Variants in ADAMTS16 observed in about 807,000 individuals in gnomAD.
The protein encoded by ADAMTS16 is ADAM metallopeptidase with thrombospondin type 1 motif 16.
In ADAMTS16, 94 loss-of-function variants were observed where a neutral mutation model predicts 145.8. The ratio of observed to expected loss-of-function variants is 0.64; its 90% CI spans 0.55 to 0.77. ADAMTS16 has a LOEUF of 0.77. ADAMTS16 is among the 30% of genes least tolerant of loss of function. The pLI, the probability that ADAMTS16 is intolerant of heterozygous loss-of-function variation, is 0.00. For missense variants in ADAMTS16, 1,585 were observed against 1,591.5 expected (o/e 1.00, Z 0.07); for synonymous variants, 659 against 604.3 (o/e 1.09, Z -1.33).
intron 16 of ADAMTS16, among the ~76,000 whole-genome samples, chr5:5,241,439 C>T (rs1047893680): frequency 3.9e-5 from 6 of 152,120 alleles, no homozygotes; most frequent in Non-Finnish European, 7.3e-5. Flanking sequence ...GGTACCTGCC[C>T]GTAGGCAAAA....
intron 10 of ADAMTS16, among the ~76,000 whole-genome samples, chr5:5,219,500 C>T (rs1458080114): frequency 1.3e-5 from 2 of 152,210 alleles, no homozygotes; most frequent in East Asian, 3.8e-4. Context: ...TTTGTCATCG[C>T]AACTCTTTAA....
At chr5:5,161,907 A>T (rs538955702) in intron 3 of ADAMTS16, among the ~76,000 whole-genome samples, 1 of 152,318 alleles carries the variant, frequency 6.6e-6, no homozygotes, top group South Asian at 2.1e-4. Flanking sequence ...TGCAAAGGGC[A>T]TTATTTATCT....
chr5:5,244,819 T>A (rs886392401), intron 17 of ADAMTS16, among the ~76,000 whole-genome samples: 4 of 152,202 alleles, frequency 2.6e-5, no homozygotes, highest in African/African-American at 9.6e-5. Context: ...ATATCAGCAA[T>A]GAGGAGACGA....
At chr5:5,186,775 G>A (rs1306261400) in intron 5 of ADAMTS16, among the ~76,000 whole-genome samples, 6 of 152,182 alleles carry the variant, frequency 3.9e-5, no homozygotes, top group Non-Finnish European at 7.4e-5. Flanking sequence ...AATCACTGAA[G>A]AGTGATGAGA....
intron 20 of ADAMTS16, 70 bp from the exon 21 acceptor site, chr5:5,306,434 T>C (rs1579409006): frequency 1.5e-6 from 2 of 1,348,908 alleles, no homozygotes; most frequent in East Asian, 2.3e-5. Context: ...ATATCTCTGA[T>C]ATTTTAACCC....
In ADAMTS16 at chr5:5,319,064, C is replaced by T; in HGVS notation, c.3601C>T (p.Pro1201Ser). The T allele has an allele frequency of 1.2e-6, 2 of 1,613,498 alleles. No homozygotes were observed. The highest frequency in any genetic ancestry group is 1.7e-6 in the Non-Finnish European group (2 of 1,179,826). Residue 1201 changes from proline to serine, a missense_variant, in exon 23 of 23, where the codon CCC becomes TCC. Pro to Ser is a moderately conservative substitution (Grantham distance 74, BLOSUM62 -1). This residue lies in a region of ADAMTS16 where 834 missense variants were observed against 811.7 expected (regional missense o/e 1.03). Transcript: ENST00000274181. ...KDYFHWCYLV[P>S]QHGMCSHKFY... is the part of the protein sequence containing the mutation. ...CTACTTCCACTGGTGCTACCTGGTA[C>T]CCCAGCACGGGATGTGCAGCCACAA...
At position 5,222,877 on chromosome 5, in the gene ADAMTS16, A is replaced by C. The variant is rs777848773; in HGVS notation, c.1694A>C (p.His565Pro). The C allele has an allele frequency of 1.1e-5, 17 of 1,614,046 alleles. No individual in the cohort carries two copies. Among genetic ancestry groups the C allele is most frequent in the Non-Finnish European group, 1.4e-5 (17 of 1,179,984 alleles). ...MPAAEGTICG[H>P]DMWCRGGQCV... ...GCAGCAGAAGGCACAATTTGTGGGC[A>C]TGACATGGTAAGAAGCTAACTGTAG... Residue 565 changes from histidine to proline, a missense_variant, in exon 11 of 23, where the codon CAT (histidine) becomes CCT (proline). Coordinates refer to ENST00000274181, the MANE Select transcript of ADAMTS16 (RefSeq NM_139056.4).
rs572883706 is a variant in ADAMTS16 at position 5,151,484 on chromosome 5, C to A, written c.501+5029C>A. Among the ~76,000 whole-genome samples the A allele has an allele frequency of 3.3e-5, 5 of 152,022 alleles. No individual in the cohort carries two copies. The South Asian group carries it at 1.0e-3, about 32-fold the overall frequency. On this transcript the variant is annotated intron_variant, in intron 3 of 22. Transcript: ENST00000274181. ...TGAACTCCTGACCTTGTGATCCACC[C>A]GCCTCAGCCTCCCAAAGTGCTGGAA...
intron 3 of ADAMTS16, among the ~76,000 whole-genome samples, chr5:5,161,519 T>C (rs925088975): frequency 1.3e-5 from 2 of 152,192 alleles, no homozygotes; most frequent in African/African-American, 4.8e-5. Context: ...AATTATCATG[T>C]TGGGCAAAAT....
chr5:5,261,210 G>A (rs182705561), intron 17 of ADAMTS16, among the ~76,000 whole-genome samples: 60 of 151,762 alleles, frequency 4.0e-4, no homozygotes, highest in African/African-American at 1.4e-3. Context: ...GTGCCATTTC[G>A]TCCCACTGCA....
intron 10 of ADAMTS16, among the ~76,000 whole-genome samples, chr5:5,218,995 G>A (rs1483974970): frequency 3.3e-5 from 5 of 152,106 alleles, no homozygotes; most frequent in Admixed American, 6.5e-5. Context: ...GCACAGGATC[G>A]GGGGCGTGGC....
At chr5:5,300,488 T>G (rs1394976240) in intron 18 of ADAMTS16, among the ~76,000 whole-genome samples, 1 of 152,256 alleles carries the variant, frequency 6.6e-6, no homozygotes, top group Admixed American at 6.5e-5. Flanking sequence ...GTATTTTTTA[T>G]GTGTACACAA....
intron 7 of ADAMTS16, among the ~76,000 whole-genome samples, chr5:5,191,333 A>T (rs1735658828): frequency 1.3e-5 from 2 of 152,152 alleles, no homozygotes; most frequent in African/African-American, 4.8e-5. Context: ...TTGGGAACAT[A>T]GGTGTTTAGA....
chr5:5,220,867 A>G (rs910618341), intron 10 of ADAMTS16, among the ~76,000 whole-genome samples: 2 of 152,102 alleles, frequency 1.3e-5, no homozygotes, highest in Non-Finnish European at 2.9e-5. Flanking sequence ...CATCTCCCAG[A>G]TCACCCAACC....
At position 5,319,585 on chromosome 5, in the gene ADAMTS16, G is replaced by C. The variant is rs896417696; in HGVS notation, c.*447G>C. ...GTTCACCAGCCTCCCCTCCCACTAGGAGGGCCCCTCGAGCCATCAGGAGTG... is the reference window on the plus strand; with the variant it reads ...GTTCACCAGCCTCCCCTCCCACTAGCAGGGCCCCTCGAGCCATCAGGAGTG... On this transcript the variant is annotated 3_prime_UTR_variant, in exon 23 of 23. Coordinates refer to ENST00000274181, the MANE Select transcript of ADAMTS16 (RefSeq NM_139056.4). 1.4e-5 allele frequency: 4 copies of C among 296,158 alleles called. No individual in the cohort carries two copies. The highest frequency in any genetic ancestry group is 9.0e-5 in the African/African-American group (4 of 44,310). The allele number at this position is 296,158 out of a possible 1,614,324, so 18.3% of individuals were successfully genotyped here. A position where few individuals can be genotyped will look rare whatever the true frequency, so the allele number is the denominator to read the frequency against.
rs764160416 is a variant in ADAMTS16 at position 5,303,716 on chromosome 5, C to T, written c.3136C>T (p.Arg1046Cys). 67 of 1,613,300 alleles carry T rather than the reference C, an allele frequency of 4.2e-5. No homozygotes were observed. The highest frequency in any genetic ancestry group is 1.8e-4 in the Middle Eastern group (1 of 5,554). The change falls in exon 20 of 23, where the codon CGC becomes TGC. Residue 1046 changes from arginine to cysteine, a missense_variant. Transcript: ENST00000274181. The stretch of plus-strand genomic sequence containing the variant: ...GATGCATGAAGCCTGTCTGCTTCAG[C>T]GCTGCCACAAGCCCAAGAAGCTGCA... ...PRMHEACLLQ[R>C]CHKPKKLQWL...
At chr5:5,165,522 A>T (rs1253391472) in intron 3 of ADAMTS16, among the ~76,000 whole-genome samples, 3 of 152,232 alleles carry the variant, frequency 2.0e-5, no homozygotes, top group Non-Finnish European at 4.4e-5. Flanking sequence ...TGTTGGTATG[A>T]CTAAGAGAAG....
chr5:5,313,309 C>G (rs939950674), intron 21 of ADAMTS16, among the ~76,000 whole-genome samples: 1 of 152,196 alleles, frequency 6.6e-6, no homozygotes, highest in South Asian at 2.1e-4. Context: ...ACTTTGCCAC[C>G]AGACAGGCTT....
chr5:5,249,730 C>T (rs1737563354), intron 17 of ADAMTS16, among the ~76,000 whole-genome samples: 2 of 152,196 alleles, frequency 1.3e-5, no homozygotes, highest in South Asian at 4.1e-4. Flanking sequence ...TAAGTATTAA[C>T]CAGCTCAGTG....
Sources: gnomAD v4.1 joint callset for allele counts (sites outside exome capture counted in the v4.1 genomes callset) on GRCh38, gnomAD v4.1.1 for gene constraint, gnomAD v4.1.1 regional missense constraint, MANE v1.5 for transcripts, NCBI Gene and HGNC (gene_info 2026-07-23, HGNC 2026-07-21) for gene names.